STK32C: variants seen among roughly 807,000 people sequenced by gnomAD.
STK32C encodes the protein serine/threonine-protein kinase 32C.
A neutral mutation model predicts 56.5 loss-of-function variants in STK32C; 31 were observed. The observed-to-expected ratio is 0.55, with a 90% confidence interval of 0.41 to 0.74. The LOEUF (loss-of-function observed/expected upper bound fraction) is 0.74, where lower values mean the gene tolerates loss of function less well. STK32C is among the 30% of genes least tolerant of loss of function. The pLI is 0.00. For missense variants in STK32C, 544 were observed against 676.9 expected (o/e 0.80, Z 2.18); for synonymous variants, 309 against 289.4 (o/e 1.07, Z -0.69).
At chr10:132,323,938 C>T (rs931937440), downstream of STK32C, 6 of 295,856 alleles carry the variant, frequency 2.0e-5, no homozygotes, top group Non-Finnish European at 3.8e-5. This position sits in a 1 kb window ranked among gnomAD's most constrained non-coding sequence, Gnocchi z 4.8. Flanking sequence ...TTATAATAAC[C>T]CAACCTGTGG....
At chr10:132,214,111 G>A (rs1166580430) in intron 10 of STK32C, among the ~76,000 whole-genome samples, 1 of 146,148 alleles carries the variant, frequency 6.8e-6, no homozygotes, top group African/African-American at 2.5e-5. Flanking sequence ...ATAATGACTG[G>A]GAATTTTCTG....
chr10:132,259,233 C>T (rs887189372), intron 1 of STK32C, among the ~76,000 whole-genome samples: 2 of 152,234 alleles, frequency 1.3e-5, no homozygotes, highest in Admixed American at 1.3e-4. Context: ...CTCCTTCCAT[C>T]CAGGGTAAGA....
downstream of STK32C, among the ~76,000 whole-genome samples, chr10:132,320,575 C>T (rs1470081558): frequency 6.6e-6 from 1 of 152,070 alleles, no homozygotes; most frequent in Non-Finnish European, 1.5e-5. Flanking sequence ...TTGCTGGAGC[C>T]AAGAAGAGAT....
chr10:132,225,166 C>A (rs2062840673), intron 7 of STK32C, 67 bp downstream of exon 7: 1 of 1,359,590 alleles, frequency 7.4e-7, no homozygotes, highest in African/African-American at 1.5e-5. Context: ...CACCCCCTCC[C>A]CAGCACTGGT....
intron 1 of STK32C, among the ~76,000 whole-genome samples, chr10:132,252,407 C>T (rs1032441172): frequency 1.5e-4 from 23 of 152,380 alleles, no homozygotes; most frequent in African/African-American, 5.5e-4. Flanking sequence ...GTCGTGATTA[C>T]GGGGACCAAG....
chr10:132,260,202 G>A (rs76065062), intron 1 of STK32C, among the ~76,000 whole-genome samples: 2,461 of 152,254 alleles, frequency 0.016, 75 homozygotes, highest in African/African-American at 0.055. Context: ...TCCCAGCCAC[G>A]TTGTCAGGGA....
intron 1 of STK32C, among the ~76,000 whole-genome samples, chr10:132,316,412 C>T (rs1158509583): frequency 1.3e-5 from 2 of 151,962 alleles, no homozygotes; most frequent in Non-Finnish European, 2.9e-5. Flanking sequence ...CAGAAGTCTA[C>T]GACCAGCCTA....
At chr10:132,245,814 T>C (rs2063666967) in intron 2 of STK32C, 86 bp downstream of exon 2, 1 of 1,342,438 alleles carries the variant, frequency 7.4e-7, no homozygotes, top group African/African-American at 1.4e-5. Flanking sequence ...AGGATGGGAG[T>C]AGGTGGGCTC....
chr10:132,227,205 C>T (rs1485805218), intron 3 of STK32C, among the ~76,000 whole-genome samples: 1 of 152,272 alleles, frequency 6.6e-6, no homozygotes, highest in Admixed American at 6.5e-5. Flanking sequence ...CAGCTGGGGC[C>T]AGAGGCACCT....
At chr10:132,313,496 G>C (rs1050293778) in intron 1 of STK32C, among the ~76,000 whole-genome samples, 1 of 152,266 alleles carries the variant, frequency 6.6e-6, no homozygotes, top group Non-Finnish European at 1.5e-5. Context: ...CTCAGCGAGG[G>C]AGACGGGAAC....
At chr10:132,323,442 G>A (rs190035660), downstream of STK32C, among the ~76,000 whole-genome samples, 685 of 152,312 alleles carry the variant, frequency 4.5e-3, 9 homozygotes, top group African/African-American at 0.016. The surrounding 1 kb of genome is among the most constrained non-coding windows in gnomAD (Gnocchi z 4.8). Flanking sequence ...TTCACAGACT[G>A]TTGCCCACCC....
At chr10:132,314,233 G>C (rs888672398) in intron 1 of STK32C, among the ~76,000 whole-genome samples, 1 of 152,228 alleles carries the variant, frequency 6.6e-6, no homozygotes, top group Non-Finnish European at 1.5e-5. Flanking sequence ...CTGCCTGATA[G>C]CATGTGCAGA....
chr10:132,248,197 C>A (rs1027239218), intron 1 of STK32C, among the ~76,000 whole-genome samples: 3 of 152,258 alleles, frequency 2.0e-5, no homozygotes, highest in African/African-American at 7.2e-5. Flanking sequence ...TGGCGTCACC[C>A]AACGTCACCA....
chr10:132,238,781 GCACACA>G (rs567541137), intron 2 of STK32C, among the ~76,000 whole-genome samples: 1 of 151,796 alleles, frequency 6.6e-6, no homozygotes, highest in African/African-American at 2.4e-5. Context: ...TGCAATGCAT[GCACACA>G]CACACACATA....
intron 1 of STK32C, among the ~76,000 whole-genome samples, chr10:132,318,834 A>C (rs2066353549): frequency 6.6e-6 from 1 of 151,280 alleles, no homozygotes; most frequent in Admixed American, 6.6e-5. Context: ...CCTCCATGAG[A>C]TACAACTACA....
chr10:132,236,217 C>T (rs1445386440), intron 2 of STK32C, among the ~76,000 whole-genome samples: 3 of 152,260 alleles, frequency 2.0e-5, no homozygotes, highest in Non-Finnish European at 4.4e-5. Context: ...GGTGGCAGAG[C>T]CTGCGCACGG....
chr10:132,268,067 C>A (rs1336514849), intron 1 of STK32C, among the ~76,000 whole-genome samples: 1 of 139,998 alleles, frequency 7.1e-6, no homozygotes, highest in Non-Finnish European at 1.5e-5. Flanking sequence ...ACATGTCCCA[C>A]GTCGTGTGTG....
chr10:132,225,175 G>A, intron 7 of STK32C, 58 bp downstream of exon 7: 1 of 1,426,372 alleles, frequency 7.0e-7, no homozygotes, highest in Non-Finnish European at 9.5e-7. Context: ...CCCAGCACTG[G>A]TGGGGGCAGA....
intron 1 of STK32C, among the ~76,000 whole-genome samples, chr10:132,274,120 C>T (rs572436442): frequency 6.6e-6 from 1 of 152,318 alleles, no homozygotes; most frequent in African/African-American, 2.4e-5. Flanking sequence ...GAGAATGCAT[C>T]AGTCTGCAGA....
Sources: allele counts gnomAD v4.1 joint callset (sites outside exome capture counted in the v4.1 genomes callset), GRCh38; gene constraint gnomAD v4.1.1; non-coding constraint Gnocchi (gnomAD v3.1); transcripts MANE v1.5; gene names NCBI Gene and HGNC (gene_info 2026-07-23, HGNC 2026-07-21).